Variants in SHLD2 observed in about 807,000 individuals in gnomAD.
The protein encoded by SHLD2 is RINN1-REV7-interacting novel NHEJ regulator 2.
In SHLD2, 30 loss-of-function variants were observed where a neutral mutation model predicts 73.2. The ratio of observed to expected loss-of-function variants is 0.41; its 90% CI spans 0.31 to 0.56. SHLD2 has a LOEUF of 0.56. Ranked by LOEUF, SHLD2 falls within the 20% of genes least tolerant of loss-of-function variation. The probability of loss-of-function intolerance (pLI) is 0.28; values close to 1 mark genes in which losing one functional copy is unlikely to be tolerated. For synonymous variants in SHLD2, 285 were observed against 370.1 expected (o/e 0.77, Z 2.64); for missense variants, 745 against 1,055.9 (o/e 0.71, Z 4.08).
At chr10:87,117,011 G>A (rs1374944366) in intron 2 of SHLD2, among the ~76,000 whole-genome samples, 11 of 152,204 alleles carry the variant, frequency 7.2e-5, no homozygotes, top group African/African-American at 9.7e-5. Flanking sequence ...AAGATTGAAC[G>A]GGAGGAGCAG....
At chr10:87,144,124 A>C (rs1272790350) in intron 2 of SHLD2, among the ~76,000 whole-genome samples, 1 of 151,946 alleles carries the variant, frequency 6.6e-6, no homozygotes, top group Non-Finnish European at 1.5e-5. Flanking sequence ...CGGCCTCCCA[A>C]AGTGCTGGGA....
intron 2 of SHLD2, among the ~76,000 whole-genome samples, chr10:87,126,679 G>C (rs1245949624): frequency 6.6e-6 from 1 of 152,068 alleles, no homozygotes; most frequent in South Asian, 2.1e-4. Flanking sequence ...AGTGATGTGT[G>C]ACCAAAATAT....
At chr10:87,102,265 T>C (rs1589420420) in intron 2 of SHLD2, among the ~76,000 whole-genome samples, 1 of 152,326 alleles carries the variant, frequency 6.6e-6, no homozygotes, top group East Asian at 1.9e-4. Context: ...TATTTATGTA[T>C]AAGTTTCAAG....
chr10:87,097,772 G>T (rs1259484093), intron 2 of SHLD2, among the ~76,000 whole-genome samples: 1 of 151,702 alleles, frequency 6.6e-6, no homozygotes, highest in Non-Finnish European at 1.5e-5. Context: ...GTTTTGTTTT[G>T]TTTTTTTGAG....
intron 2 of SHLD2, among the ~76,000 whole-genome samples, chr10:87,148,572 T>C (rs1301705636): frequency 7.8e-6 from 1 of 128,374 alleles, no homozygotes; most frequent in Non-Finnish European, 1.6e-5. Context: ...GGGGCGGGGG[T>C]TGGTTTTATT....
chr10:87,138,211 T>C (rs1844933707), intron 2 of SHLD2, among the ~76,000 whole-genome samples: 1 of 151,694 alleles, frequency 6.6e-6, no homozygotes, highest in African/African-American at 2.4e-5. Flanking sequence ...GGCAGGAGAA[T>C]CACTTGAACC....
chr10:87,094,850 TC>T, upstream of SHLD2: 1 of 1,159,952 alleles, frequency 8.6e-7, no homozygotes, highest in Non-Finnish European at 1.2e-6. This position sits in a 1 kb window ranked among gnomAD's most constrained non-coding sequence, Gnocchi z 6.6. Context: ...GGAGGAAGGG[TC>T]CCGCGCGGGT....
intron 2 of SHLD2, among the ~76,000 whole-genome samples, chr10:87,135,919 A>C (rs1285662039): frequency 6.6e-6 from 1 of 151,586 alleles, no homozygotes; most frequent in East Asian, 1.9e-4. Flanking sequence ...CTACAAAGTT[A>C]CTCTTTTTTC....
intron 4 of SHLD2, among the ~76,000 whole-genome samples, chr10:87,166,924 A>G (rs1847239539): frequency 6.7e-6 from 1 of 150,150 alleles, no homozygotes; most frequent in Non-Finnish European, 1.5e-5. Flanking sequence ...TTTATTATGT[A>G]TATTTGAAGG....
At chr10:87,181,235 A>G (rs1848293925) in intron 8 of SHLD2, among the ~76,000 whole-genome samples, 1 of 151,052 alleles carries the variant, frequency 6.6e-6, no homozygotes, top group South Asian at 2.1e-4. Context: ...AAAAAAAAAA[A>G]AAAAGCTGGG....
At position 87,152,171 on chromosome 10, in the gene SHLD2, G is replaced by T; in HGVS notation, c.817G>T (p.Glu273Ter). Residue 273 changes from glutamate to a stop codon, truncating the protein, a stop_gained, in exon 3 of 10, where the codon GAG (glutamate) becomes TAG (stop). Coordinates refer to ENST00000298786, the MANE Select transcript of SHLD2 (RefSeq NM_001330112.2). LOFTEE classifies it high-confidence loss of function. ...TGTAAATAAAGGGAATGTAAACATG[G>T]AGACTGAACCAAAGGCAAGTTACGG... Reference protein sequence around the residue: ...SPVNKGNVNMETEPKASYGEI... With the variant: ...SPVNKGNVNM 1 of 1,605,986 alleles carries T rather than the reference G, an allele frequency of 6.2e-7. No homozygotes were observed. Among genetic ancestry groups the T allele is most frequent in the East Asian group, 2.2e-5 (1 of 44,690 alleles).
intron 2 of SHLD2, among the ~76,000 whole-genome samples, chr10:87,149,645 C>T (rs1845871774): frequency 6.6e-6 from 1 of 151,980 alleles, no homozygotes; most frequent in Admixed American, 6.6e-5. Context: ...ATTGCTTGAA[C>T]CTGGGAGACA....
At chr10:87,188,054 G>A (rs759134386) in intron 9 of SHLD2, among the ~76,000 whole-genome samples, 1 of 152,178 alleles carries the variant, frequency 6.6e-6, no homozygotes, top group Non-Finnish European at 1.5e-5. Context: ...TTCTTTCCAC[G>A]TTCTTGCACC....
At chr10:87,176,176 C>T in intron 7 of SHLD2, 81 bp downstream of exon 7, 1 of 1,526,646 alleles carries the variant, frequency 6.6e-7, no homozygotes, top group Non-Finnish European at 8.9e-7. Flanking sequence ...GGCTGGAATA[C>T]AGTGGTGTGA....
chr10:87,167,727 C>A (rs906269976), intron 4 of SHLD2, among the ~76,000 whole-genome samples: 2 of 152,168 alleles, frequency 1.3e-5, no homozygotes, highest in South Asian at 2.1e-4. Context: ...TCACTGCAGC[C>A]TCAGTCTCCC....
At chr10:87,096,884 C>T (rs532330656) in intron 1 of SHLD2, 50 bp from the exon 2 acceptor site, 1 of 152,312 alleles carries the variant, frequency 6.6e-6, no homozygotes, top group South Asian at 2.1e-4. Flanking sequence ...TTTTACCTTA[C>T]TTGCTAAATA....
At chr10:87,113,220 A>T (rs1305913368) in intron 2 of SHLD2, among the ~76,000 whole-genome samples, 1 of 152,176 alleles carries the variant, frequency 6.6e-6, no homozygotes, top group Non-Finnish European at 1.5e-5. Flanking sequence ...GCTACTTGGG[A>T]GGCTGAGGCA....
At chr10:87,121,088 G>A (rs1306588451) in intron 2 of SHLD2, among the ~76,000 whole-genome samples, 3 of 152,020 alleles carry the variant, frequency 2.0e-5, no homozygotes, top group African/African-American at 4.8e-5. Flanking sequence ...ATGATTTTAT[G>A]TATGACATAC....
Position 87,190,487 on chromosome 10 carries a change from C to G in SHLD2, c.2519C>G (p.Pro840Arg), listed in dbSNP as rs1189812334. Residue 840 changes from proline to arginine, a missense_variant, in exon 10 of 10, where the codon CCT (proline) becomes CGT (arginine). By Grantham distance (103) the Pro-to-Arg change is moderately radical. Coordinates refer to ENST00000298786, the MANE Select transcript of SHLD2 (RefSeq NM_001330112.2). ...TCTGTGTTTTTGTCTTTTGCAGTTC[C>G]TTCCTCAGAGATCACCTATGGGATG... ...SADCLNRVIV[P>R]SSEITYGMVV... 6.2e-7 allele frequency: 1 copy of G among 1,611,890 alleles called. No individual in the cohort carries two copies. The highest frequency in any genetic ancestry group is 8.5e-7 in the Non-Finnish European group (1 of 1,179,728).
Sources: gnomAD v4.1 joint callset for allele counts (sites outside exome capture counted in the v4.1 genomes callset) on GRCh38, gnomAD v4.1.1 for gene constraint, Gnocchi (gnomAD v3.1) non-coding constraint, MANE v1.5 for transcripts, NCBI Gene and HGNC (gene_info 2026-07-23, HGNC 2026-07-21) for gene names.